The following FHIT variants were observed in gnomAD, a reference collection of about 807,000 sequenced individuals.
FHIT encodes the protein bis(5'-adenosyl)-triphosphatase.
Under a neutral mutation model 17.9 loss-of-function variants are expected in FHIT, and 19 were observed. The ratio of observed to expected loss-of-function variants is 1.06; its 90% CI spans 0.74 to 1.56. The LOEUF (loss-of-function observed/expected upper bound fraction) is 1.56. Ranked by LOEUF, FHIT falls within the 40% of genes most tolerant of loss-of-function variation. The pLI is 0.00. For synonymous variants in FHIT, 81 were observed against 69.7 expected (o/e 1.16, Z -0.81); for missense variants, 248 against 189.2 (o/e 1.31, Z -1.82).
chr3:60,464,516 C>T (rs967875863), intron 5 of FHIT, among the ~76,000 whole-genome samples: 5 of 152,016 alleles, frequency 3.3e-5, no homozygotes, highest in Admixed American at 3.3e-4. Flanking sequence ...CCCAACTACC[C>T]TTCCCAGCTT....
chr3:60,524,348 T>C (rs1415104988), intron 5 of FHIT, among the ~76,000 whole-genome samples: 1 of 152,182 alleles, frequency 6.6e-6, no homozygotes, highest in African/African-American at 2.4e-5. Flanking sequence ...CTGTGACATT[T>C]GAGCACAATC....
chr3:61,004,377 T>C (rs2031303602), intron 3 of FHIT, among the ~76,000 whole-genome samples: 1 of 152,122 alleles, frequency 6.6e-6, no homozygotes. Context: ...TTGGTAGGAA[T>C]TGAGCAGGAC....
chr3:60,389,684 G>A (rs1486579323), intron 5 of FHIT, among the ~76,000 whole-genome samples: 1 of 152,116 alleles, frequency 6.6e-6, no homozygotes. Context: ...TGCCAAGTAT[G>A]GTCGATAATG....
intron 5 of FHIT, among the ~76,000 whole-genome samples, chr3:60,210,062 A>T (rs1703377997): frequency 6.6e-6 from 1 of 152,278 alleles, no homozygotes; most frequent in African/African-American, 2.4e-5. Flanking sequence ...TTAAAATAAA[A>T]AATTAAGTAT....
chr3:60,062,096 C>A (rs1303909211), intron 5 of FHIT, among the ~76,000 whole-genome samples: 2 of 152,008 alleles, frequency 1.3e-5, no homozygotes, highest in Admixed American at 1.3e-4. Context: ...TAGGTTATTA[C>A]CAGAAAGGTA....
intron 2 of FHIT, among the ~76,000 whole-genome samples, chr3:61,045,165 C>T (rs1411540225): frequency 2.0e-5 from 3 of 152,130 alleles, no homozygotes; most frequent in South Asian, 4.1e-4. Context: ...GCTAAATGCT[C>T]CAATTAAAAG....
intron 5 of FHIT, among the ~76,000 whole-genome samples, chr3:60,070,764 T>C (rs1166534004): frequency 6.6e-6 from 1 of 152,210 alleles, no homozygotes; most frequent in African/African-American, 2.4e-5. Context: ...TACAATGAGG[T>C]TGCCTGGGTT....
intron 4 of FHIT, among the ~76,000 whole-genome samples, chr3:60,624,245 G>A (rs542078861): frequency 6.6e-6 from 1 of 152,326 alleles, no homozygotes; most frequent in South Asian, 2.1e-4. Context: ...GCAAGGAGTG[G>A]TAAGAGACAG....
intron 5 of FHIT, among the ~76,000 whole-genome samples, chr3:60,482,580 G>A (rs929186273): frequency 6.6e-6 from 1 of 152,092 alleles, no homozygotes; most frequent in African/African-American, 2.4e-5. Context: ...AGTGAATCCT[G>A]GGTAAATAAT....
At chr3:59,798,260 T>C (rs998675896) in intron 8 of FHIT, among the ~76,000 whole-genome samples, 2 of 152,150 alleles carry the variant, frequency 1.3e-5, no homozygotes, top group African/African-American at 4.8e-5. Flanking sequence ...TTTTATCACC[T>C]CTCCTTCCTC....
At chr3:61,052,157 A>C (rs1489148928) in intron 2 of FHIT, among the ~76,000 whole-genome samples, 1 of 152,198 alleles carries the variant, frequency 6.6e-6, no homozygotes, top group Non-Finnish European at 1.5e-5. Flanking sequence ...AAATCATGGT[A>C]AACATTTATT....
chr3:59,842,329 C>T (rs1701564380), intron 8 of FHIT, among the ~76,000 whole-genome samples: 1 of 152,188 alleles, frequency 6.6e-6, no homozygotes, highest in Non-Finnish European at 1.5e-5. Flanking sequence ...TGAGTTGCTT[C>T]TACTTCTTGG....
chr3:61,059,395 T>TC (rs1491578888), intron 2 of FHIT, among the ~76,000 whole-genome samples: 2 of 123,764 alleles, frequency 1.6e-5, no homozygotes, highest in African/African-American at 6.5e-5. Flanking sequence ...TTTTTTTTTT[T>TC]GCCAGAAAGC....
chr3:60,509,071 T>TC (rs2034845790), intron 5 of FHIT, among the ~76,000 whole-genome samples: 1 of 151,940 alleles, frequency 6.6e-6, no homozygotes, highest in Non-Finnish European at 1.5e-5. Flanking sequence ...TACCTGCAAC[T>TC]CCCCCATTGC....
chr3:61,159,436 G>A (rs2037625920), intron 2 of FHIT, among the ~76,000 whole-genome samples: 1 of 152,166 alleles, frequency 6.6e-6, no homozygotes, highest in Admixed American at 6.5e-5. Flanking sequence ...TCTTCATTCA[G>A]TGCACAGAAG....
chr3:59,989,772 T>C (rs951561670), intron 7 of FHIT, among the ~76,000 whole-genome samples: 11 of 152,024 alleles, frequency 7.2e-5, no homozygotes, highest in South Asian at 2.1e-4. Flanking sequence ...AATTTCCACA[T>C]TGATTGATTG....
chr3:61,193,742 C>A (rs2038779461), intron 2 of FHIT, among the ~76,000 whole-genome samples: 1 of 152,134 alleles, frequency 6.6e-6, no homozygotes, highest in African/African-American at 2.4e-5. Context: ...CATGAGCAAC[C>A]ACAGGATTCC....
intron 5 of FHIT, among the ~76,000 whole-genome samples, chr3:60,216,267 T>C (rs1043852545): frequency 1.3e-5 from 2 of 152,168 alleles, no homozygotes; most frequent in African/African-American, 2.4e-5. Context: ...GGGATAATCT[T>C]AGAAGACTGA....
At chr3:60,347,996 T>G (rs111837446) in intron 5 of FHIT, among the ~76,000 whole-genome samples, 1 of 152,006 alleles carries the variant, frequency 6.6e-6, no homozygotes, top group African/African-American at 2.4e-5. Context: ...TCACCTCAGT[T>G]GATCCACCCT....
Sources: allele counts gnomAD v4.1 joint callset (sites outside exome capture counted in the v4.1 genomes callset), GRCh38; gene constraint gnomAD v4.1.1; transcripts MANE v1.5; gene names NCBI Gene and HGNC (gene_info 2026-07-23, HGNC 2026-07-21).